The following L3MBTL4 variants were observed in gnomAD, a reference collection of about 807,000 sequenced individuals.
L3MBTL4 encodes the protein L3MBTL histone methyl-lysine binding protein 4, also known as lethal(3)malignant brain tumor-like protein 4.
In L3MBTL4, 70 loss-of-function variants were observed where a neutral mutation model predicts 84.5. That is an observed-to-expected ratio of 0.83 (90% CI 0.68 to 1.01). The LOEUF (loss-of-function observed/expected upper bound fraction) is 1.01. Ranked by LOEUF, L3MBTL4 falls within the 50% of genes least tolerant of loss-of-function variation. L3MBTL4 has a pLI of 0.00. For synonymous variants in L3MBTL4, 274 were observed against 259.8 expected (o/e 1.05, Z -0.52); for missense variants, 715 against 754.8 (o/e 0.95, Z 0.62).
At chr18:6,292,573 G>A (rs992243313) in intron 4 of L3MBTL4, among the ~76,000 whole-genome samples, 6 of 152,034 alleles carry the variant, frequency 3.9e-5, no homozygotes, top group African/African-American at 7.3e-5. Flanking sequence ...CCTATTGTAG[G>A]ACAGAGACAA....
intron 15 of L3MBTL4, among the ~76,000 whole-genome samples, chr18:6,090,216 T>C (rs1421922134): frequency 2.0e-5 from 3 of 152,168 alleles, no homozygotes; most frequent in East Asian, 1.9e-4. Flanking sequence ...TTACAGTTAA[T>C]ATAACATCTG....
chr18:6,316,045 C>G lies in L3MBTL4; in HGVS notation c.-90-3989G>C, dbSNP rs970029810. 2.0e-5 allele frequency among the ~76,000 whole-genome samples: 3 copies of G among 151,876 alleles called. 1 individual carries two copies. Among genetic ancestry groups the G allele is most frequent in the Non-Finnish European group, 1.5e-5 (1 of 67,970 alleles). ...ACAGTTACGTCACTCTCACGGAGTC[C>G]ATGCCACTCCCCTGCCACCCCCATC... is the stretch of plus-strand genomic sequence containing the variant. On this transcript the variant is annotated intron_variant, in intron 1 of 18. Coordinates refer to ENST00000317931, the MANE Select transcript of L3MBTL4 (RefSeq NM_001330559.2).
intron 1 of L3MBTL4, among the ~76,000 whole-genome samples, chr18:6,349,383 G>A (rs1599734500): frequency 6.6e-6 from 1 of 152,168 alleles, no homozygotes; most frequent in Admixed American, 6.5e-5. Flanking sequence ...ATATAGAATA[G>A]TGCCACTGAA....
intron 10 of L3MBTL4, 91 bp from the exon 11 acceptor site, chr18:6,215,926 T>A: frequency 1.5e-6 from 1 of 651,454 alleles, no homozygotes; most frequent in Non-Finnish European, 2.6e-6. Context: ...TGACACCTAA[T>A]GTTAATTGAA....
At chr18:6,370,647 A>G (rs538689217) in intron 1 of L3MBTL4, among the ~76,000 whole-genome samples, 20 of 152,170 alleles carry the variant, frequency 1.3e-4, no homozygotes, top group African/African-American at 4.8e-4. Context: ...CCTAAGTTAA[A>G]TGTGTGTATG....
At chr18:6,215,995 A>G (rs537512703) in intron 10 of L3MBTL4, among the ~76,000 whole-genome samples, 160 bp from the exon 11 acceptor site, 24 of 152,236 alleles carry the variant, frequency 1.6e-4, no homozygotes, top group Admixed American at 5.9e-4. Flanking sequence ...TCACTTAACC[A>G]TAACCTCTGA....
intron 3 of L3MBTL4, among the ~76,000 whole-genome samples, chr18:6,303,534 A>G (rs1239225991): frequency 6.6e-6 from 1 of 152,244 alleles, no homozygotes; most frequent in Non-Finnish European, 1.5e-5. Context: ...GTTATGAATT[A>G]GTAAGTTTGA....
intron 3 of L3MBTL4, among the ~76,000 whole-genome samples, chr18:6,305,470 T>A (rs916476649): frequency 1.3e-5 from 2 of 152,174 alleles, no homozygotes; most frequent in Non-Finnish European, 2.9e-5. Flanking sequence ...AGAGAGTGAA[T>A]TTTAAAAAAC....
At chr18:6,238,918 TC>T (rs941377834) in intron 9 of L3MBTL4, among the ~76,000 whole-genome samples, 15 of 147,242 alleles carry the variant, frequency 1.0e-4, no homozygotes, top group African/African-American at 4.0e-4. Flanking sequence ...AGGTTTTTAA[TC>T]AAAAAAAAAA....
intron 5 of L3MBTL4, among the ~76,000 whole-genome samples, chr18:6,261,146 T>C (rs1004929683): frequency 2.6e-5 from 4 of 152,186 alleles, no homozygotes; most frequent in African/African-American, 9.7e-5. Context: ...CTACCTCAGA[T>C]TGTTGCTGTG....
In L3MBTL4 at chr18:6,131,307, T is replaced by C. The variant is rs1272549780; in HGVS notation, c.1199+6887A>G. 2.6e-5 allele frequency among the ~76,000 whole-genome samples: 4 copies of C among 152,280 alleles called. No homozygotes were observed. In the East Asian group the frequency reaches 5.8e-4, roughly 22 times the overall value. ...AGTGGAGCACTACATTTTCACGCTT[T>C]CCCCAGGGTTTGGAAGCAGAAGTCA... On this transcript the variant is annotated intron_variant, in intron 14 of 18. Transcript: ENST00000317931.
intron 16 of L3MBTL4, among the ~76,000 whole-genome samples, chr18:5,976,331 C>T (rs1175441789): frequency 1.3e-5 from 2 of 152,202 alleles, no homozygotes; most frequent in East Asian, 1.9e-4. Flanking sequence ...CTTGTTTCTT[C>T]TGATTACGTT....
In L3MBTL4 at chr18:6,018,019, T is replaced by G. The variant is rs187195198; in HGVS notation, c.1445-48457A>C. 2.6e-5 allele frequency among the ~76,000 whole-genome samples: 4 copies of G among 152,286 alleles called. No homozygotes were observed. In the East Asian group the frequency reaches 7.7e-4, roughly 29 times the overall value. On this transcript the variant is annotated intron_variant, in intron 16 of 18. Coordinates refer to ENST00000317931, the MANE Select transcript of L3MBTL4 (RefSeq NM_001330559.2). Reference sequence around the variant, plus strand: ...GCAGAACCTCTAGGGCAGGGAGAGCTGGAAACAGAACTCTTTCAGATGCTC... The same window carrying G: ...GCAGAACCTCTAGGGCAGGGAGAGCGGGAAACAGAACTCTTTCAGATGCTC...
intron 12 of L3MBTL4, among the ~76,000 whole-genome samples, chr18:6,199,430 T>C (rs1167226486): frequency 6.6e-6 from 1 of 152,202 alleles, no homozygotes; most frequent in Non-Finnish European, 1.5e-5. Context: ...GAGTGGCCAA[T>C]GTACTGGAGA....
intron 1 of L3MBTL4, among the ~76,000 whole-genome samples, chr18:6,412,799 C>T (rs1165473559): frequency 6.6e-6 from 1 of 152,090 alleles, no homozygotes. Context: ...AAGATATAAA[C>T]CACACAGGTA....
chr18:6,315,587 A>G (rs1342132034), intron 1 of L3MBTL4, among the ~76,000 whole-genome samples: 1 of 152,264 alleles, frequency 6.6e-6, no homozygotes, highest in East Asian at 1.9e-4. Context: ...CAGGCAAGTA[A>G]CCAGACAGTA....
intron 1 of L3MBTL4, among the ~76,000 whole-genome samples, chr18:6,380,933 T>C (rs2054571279): frequency 6.6e-6 from 1 of 152,180 alleles, no homozygotes; most frequent in African/African-American, 2.4e-5. Context: ...AGTCTCCCAC[T>C]ATTATTGTGT....
At chr18:6,350,002 A>C (rs577499089) in intron 1 of L3MBTL4, among the ~76,000 whole-genome samples, 61 of 152,370 alleles carry the variant, frequency 4.0e-4, no homozygotes, top group African/African-American at 1.3e-3. Flanking sequence ...TTTAATAAAA[A>C]GCTTACTTAA....
intron 10 of L3MBTL4, among the ~76,000 whole-genome samples, chr18:6,216,901 G>A (rs1193634457): frequency 6.6e-6 from 1 of 152,006 alleles, no homozygotes; most frequent in African/African-American, 2.4e-5. Context: ...TGCTTTTGAG[G>A]TTTGAGGATT....
Sources: gnomAD v4.1 joint callset for allele counts (sites outside exome capture counted in the v4.1 genomes callset) on GRCh38, gnomAD v4.1.1 for gene constraint, MANE v1.5 for transcripts, NCBI Gene and HGNC (gene_info 2026-07-23, HGNC 2026-07-21) for gene names.